Variants in PDGFC observed in about 807,000 individuals in gnomAD.
PDGFC encodes the protein platelet derived growth factor C.
Under a neutral mutation model 35.5 loss-of-function variants are expected in PDGFC, and 12 were observed. The ratio of observed to expected loss-of-function variants is 0.34; its 90% CI spans 0.22 to 0.55. The LOEUF is 0.55. PDGFC is among the 20% of genes least tolerant of loss of function. The pLI is 0.91. For synonymous variants in PDGFC, 159 were observed against 148.8 expected, an observed-to-expected ratio of 1.07 and a Z score of -0.50; for missense variants, 322 against 412.4, an observed-to-expected ratio of 0.78 and a Z score of 1.90.
At chr4:156,842,125 T>A (rs563178353) in intron 2 of PDGFC, 1 of 152,288 alleles carries the variant, frequency 6.6e-6, no homozygotes, top group South Asian at 2.1e-4. Flanking sequence ...AAGTTATTCT[T>A]TGGTTTGTCT....
At chr4:156,905,905 T>C (rs904823312) in intron 1 of PDGFC, among the ~76,000 whole-genome samples, 1 of 152,010 alleles carries the variant, frequency 6.6e-6, no homozygotes, top group Non-Finnish European at 1.5e-5. Context: ...TGTAGATACA[T>C]CACCTCAAAA....
intron 1 of PDGFC, among the ~76,000 whole-genome samples, chr4:156,920,570 G>GA (rs1362509342): frequency 5.4e-5 from 8 of 148,790 alleles, no homozygotes; most frequent in East Asian, 4.0e-4. Flanking sequence ...CTAATTAAAA[G>GA]AAAAAAATGA....
intron 1 of PDGFC, among the ~76,000 whole-genome samples, chr4:156,943,917 G>A (rs1351707194): frequency 1.3e-5 from 2 of 152,004 alleles, no homozygotes; most frequent in Non-Finnish European, 2.9e-5. Context: ...CATCCCAAAC[G>A]TCCAGGCTTT....
At chr4:156,793,896 A>G (rs1180137005) in intron 3 of PDGFC, among the ~76,000 whole-genome samples, 1 of 151,998 alleles carries the variant, frequency 6.6e-6, no homozygotes, top group African/African-American at 2.4e-5. Context: ...CCAAATGTGA[A>G]GCACTCAAGG....
At chr4:156,864,068 T>C (rs1729778510) in intron 1 of PDGFC, among the ~76,000 whole-genome samples, 1 of 152,124 alleles carries the variant, frequency 6.6e-6, no homozygotes, top group Non-Finnish European at 1.5e-5. Context: ...TCCTAACACA[T>C]AGCACAGTGC....
intron 3 of PDGFC, among the ~76,000 whole-genome samples, chr4:156,781,213 C>A (rs1560808672): frequency 6.6e-6 from 1 of 152,246 alleles, no homozygotes; most frequent in East Asian, 1.9e-4. Flanking sequence ...TATCCCACAT[C>A]AAGTTATCTT....
chr4:156,924,198 T>C (rs1731353286), intron 1 of PDGFC, among the ~76,000 whole-genome samples: 1 of 152,132 alleles, frequency 6.6e-6, no homozygotes, highest in African/African-American at 2.4e-5. Context: ...AAAATTTCAA[T>C]AGCACACAGT....
At chr4:156,836,429 C>A (rs780955240) in intron 2 of PDGFC, among the ~76,000 whole-genome samples, 2 of 152,140 alleles carry the variant, frequency 1.3e-5, no homozygotes, top group Admixed American at 6.5e-5. Context: ...ATATTTTAAT[C>A]TAATAACTTT....
chr4:156,815,884 G>A (rs1222673064), intron 2 of PDGFC, among the ~76,000 whole-genome samples: 1 of 152,064 alleles, frequency 6.6e-6, no homozygotes, highest in Non-Finnish European at 1.5e-5. Flanking sequence ...GAGCATACAG[G>A]GCTAAGTGGT....
intron 2 of PDGFC, among the ~76,000 whole-genome samples, chr4:156,842,689 C>T (rs1014718697): frequency 2.0e-5 from 3 of 152,188 alleles, no homozygotes; most frequent in African/African-American, 7.2e-5. Flanking sequence ...CCACCACTTA[C>T]CACACCTCCA....
At chr4:156,867,973 G>A (rs1338587224) in intron 1 of PDGFC, among the ~76,000 whole-genome samples, 1 of 152,044 alleles carries the variant, frequency 6.6e-6, no homozygotes, top group Non-Finnish European at 1.5e-5. Flanking sequence ...CACTTCTTGG[G>A]TTCAAGCGAT....
intron 3 of PDGFC, among the ~76,000 whole-genome samples, chr4:156,774,919 G>GT (rs1227725463): frequency 6.6e-6 from 1 of 152,052 alleles, no homozygotes; most frequent in Non-Finnish European, 1.5e-5. Flanking sequence ...TGGAAAATGT[G>GT]TAAGTACATA....
intron 1 of PDGFC, among the ~76,000 whole-genome samples, chr4:156,911,092 G>A (rs992068724): frequency 6.6e-6 from 1 of 151,852 alleles, no homozygotes; most frequent in Non-Finnish European, 1.5e-5. Flanking sequence ...TGTGCTTTTG[G>A]GATCATATCT....
At chr4:156,841,796 AC>A (rs994639783) in intron 2 of PDGFC, among the ~76,000 whole-genome samples, 22 of 152,120 alleles carry the variant, frequency 1.4e-4, no homozygotes, top group African/African-American at 5.3e-4. Flanking sequence ...ATGAGCCACC[AC>A]ACCTGGCCTC....
At chr4:156,872,414 G>C (rs547842497) in intron 1 of PDGFC, among the ~76,000 whole-genome samples, 33 of 152,234 alleles carry the variant, frequency 2.2e-4, no homozygotes, top group Non-Finnish European at 4.0e-4. Context: ...GTATTGCTTT[G>C]ATGCACTCCA....
intron 1 of PDGFC, among the ~76,000 whole-genome samples, chr4:156,902,299 G>A (rs748455601): frequency 7.9e-5 from 12 of 152,134 alleles, no homozygotes; most frequent in Non-Finnish European, 1.5e-4. Flanking sequence ...CTACTACCCA[G>A]ATTTAATGAG....
At chr4:156,836,437 T>C (rs553062153) in intron 2 of PDGFC, among the ~76,000 whole-genome samples, 1 of 152,212 alleles carries the variant, frequency 6.6e-6, no homozygotes, top group Admixed American at 6.5e-5. Context: ...ATCTAATAAC[T>C]TTCTCCTTGA....
At chr4:156,786,677 G>T (rs1731136950) in intron 3 of PDGFC, among the ~76,000 whole-genome samples, 1 of 152,126 alleles carries the variant, frequency 6.6e-6, no homozygotes, top group South Asian at 2.1e-4. Context: ...AACAGAGGAT[G>T]CCCAGTTACA....
intron 4 of PDGFC, among the ~76,000 whole-genome samples, chr4:156,772,411 G>C (rs1358829239): frequency 6.6e-6 from 1 of 152,026 alleles, no homozygotes; most frequent in African/African-American, 2.4e-5. Flanking sequence ...TGCAATGAAG[G>C]ACTTCATCAA....
Sources: gnomAD v4.1 joint callset for allele counts (sites outside exome capture counted in the v4.1 genomes callset) on GRCh38, gnomAD v4.1.1 for gene constraint, MANE v1.5 for transcripts, NCBI Gene and HGNC (gene_info 2026-07-23, HGNC 2026-07-21) for gene names.